The following SLC2A12 variants were observed in gnomAD, a reference collection of about 807,000 sequenced individuals.
SLC2A12 encodes the protein solute carrier family 2 member 12.
A neutral mutation model predicts 41.8 loss-of-function variants in SLC2A12; 23 were observed. That is an observed-to-expected ratio of 0.55 (90% confidence interval 0.40 to 0.78). SLC2A12 has a LOEUF of 0.78. SLC2A12 is among the 30% of genes least tolerant of loss of function. The pLI, the probability that SLC2A12 is intolerant of heterozygous loss-of-function variation, is 0.00. For missense variants in SLC2A12, 654 were observed against 745.6 expected, an observed-to-expected ratio of 0.88 and a Z score of 1.43; for synonymous variants, 295 against 285.9, an observed-to-expected ratio of 1.03 and a Z score of -0.32.
At chr6:134,011,724 C>G (rs1269579816) in intron 2 of SLC2A12, among the ~76,000 whole-genome samples, 12 of 151,240 alleles carry the variant, frequency 7.9e-5, no homozygotes, top group Admixed American at 7.9e-4. Context: ...AGAGTGAGAC[C>G]CTGTCTCAAA....
intron 2 of SLC2A12, among the ~76,000 whole-genome samples, chr6:134,014,141 G>T (rs1452280951): frequency 6.6e-6 from 1 of 152,204 alleles, no homozygotes; most frequent in Non-Finnish European, 1.5e-5. Flanking sequence ...GGGGCAGGAG[G>T]TATGGTTTCG....
At chr6:134,043,916 A>C (rs1267984606) in intron 1 of SLC2A12, among the ~76,000 whole-genome samples, 2 of 152,096 alleles carry the variant, frequency 1.3e-5, no homozygotes, top group Non-Finnish European at 2.9e-5. Context: ...TTTGTAAGCT[A>C]AGGAAGCTGT....
Position 133,991,262 on chromosome 6 carries a change from C to A in SLC2A12, c.1747G>T (p.Glu583Ter), listed in dbSNP as rs1193285618. 3 of 1,613,928 alleles carry A rather than the reference C, an allele frequency of 1.9e-6. No homozygotes were observed. The highest frequency in any genetic ancestry group is 1.1e-5 in the South Asian group (1 of 91,060). The change falls in exon 5 of 5, where the codon GAA (glutamate) becomes TAA (stop). Residue 583 changes from glutamate to a stop codon, truncating the protein, a stop_gained. Coordinates refer to ENST00000275230, the MANE Select transcript of SLC2A12 (RefSeq NM_145176.3). LOFTEE classifies it high-confidence loss of function. Reference sequence around the variant, plus strand: ...TTTTGAGGCTGTTTTGGCACTAATTCTTCTTGGTGATGACTCATAAAACAA... The same window carrying A: ...TTTTGAGGCTGTTTTGGCACTAATTATTCTTGGTGATGACTCATAAAACAA... ...NICFMSHHQE[E>*]LVPKQPQKRK...
Position 133,989,650 on chromosome 6 carries a change from A to T in SLC2A12, c.*1505T>A, listed in dbSNP as rs934568592. 3.9e-5 allele frequency: 6 copies of T among 152,182 alleles called. No individual in the cohort carries two copies. The highest frequency in any genetic ancestry group is 1.4e-4 in the African/African-American group (6 of 41,458). The allele number at this position is 152,182 out of a possible 1,614,324, so 9.4% of individuals were successfully genotyped here. A position where few individuals can be genotyped will look rare whatever the true frequency, so the allele number is the denominator to read the frequency against. On this transcript the variant is annotated 3_prime_UTR_variant, in exon 5 of 5. Transcript: ENST00000275230. ...TCCCCCTGCCAATTTTTATACAGAT[A>T]ATACACTGCAGATCCAGGCCTTTTA...
At chr6:134,043,805 A>G (rs1021647299) in intron 1 of SLC2A12, among the ~76,000 whole-genome samples, 6 of 151,908 alleles carry the variant, frequency 3.9e-5, no homozygotes, top group South Asian at 2.1e-4. Context: ...AAAAAAAAAA[A>G]AAAGAAAAGA....
chr6:134,029,994 C>G (rs1777179767), intron 1 of SLC2A12, among the ~76,000 whole-genome samples: 1 of 152,024 alleles, frequency 6.6e-6, no homozygotes, highest in Non-Finnish European at 1.5e-5. Context: ...TTAGATCAGA[C>G]AGTGATGTTG....
At position 134,030,935 on chromosome 6, in the gene SLC2A12, A is replaced by C. The variant is rs183589692; in HGVS notation, c.104-1214T>G. Among the ~76,000 whole-genome samples the C allele has an allele frequency of 1.1e-4, 17 of 152,328 alleles. No individual in the cohort carries two copies. In the East Asian group the frequency reaches 3.3e-3, roughly 29 times the overall value. On this transcript the variant is annotated intron_variant, in intron 1 of 4. Transcript: ENST00000275230. ...ATAAAGTCCACCTTCACTGCTATGT[A>C]GAGATTAGTTCTTCAAAATGCAAGA...
At chr6:134,027,412 C>T (rs1295585077) in intron 2 of SLC2A12, among the ~76,000 whole-genome samples, 1 of 152,094 alleles carries the variant, frequency 6.6e-6, no homozygotes, top group East Asian at 1.9e-4. Context: ...AATTTGTTTG[C>T]CTCCTTGATC....
At chr6:134,038,163 C>A (rs529709565) in intron 1 of SLC2A12, among the ~76,000 whole-genome samples, 1 of 151,988 alleles carries the variant, frequency 6.6e-6, no homozygotes, top group Admixed American at 6.6e-5. Context: ...TTTCCAACCC[C>A]GGGTTTGATT....
rs759703461 is a variant in SLC2A12 at position 134,029,333 on chromosome 6, T to C, written c.492A>G (p.Arg164=). 1 of 1,614,196 alleles carries C rather than the reference T, an allele frequency of 6.2e-7. No individual in the cohort carries two copies. Among genetic ancestry groups the C allele is most frequent in the South Asian group, 1.1e-5 (1 of 91,086 alleles). ...GCTCATTCAGTGACACAAGAAGGCC[T>C]CTTCTGTGTTGAGGAGCAATCTCTG... ...YIAEIAPQHR[R]GLLVSLNELM... The change falls in exon 2 of 5, where the codon AGA becomes AGG. Residue 164 remains arginine (R), a synonymous_variant. Coordinates refer to ENST00000275230, the MANE Select transcript of SLC2A12 (RefSeq NM_145176.3).
At chr6:133,992,715 C>T (rs532835825) in intron 4 of SLC2A12, among the ~76,000 whole-genome samples, 13 of 152,108 alleles carry the variant, frequency 8.5e-5, no homozygotes, top group African/African-American at 1.9e-4. Flanking sequence ...AAGTAGGAAG[C>T]AGGGTAAGGA....
In SLC2A12 at chr6:133,991,156, T is replaced by G; in HGVS notation, c.1853A>C (p.Ter618SerextTer43). 2 of 1,612,210 alleles carry G rather than the reference T, an allele frequency of 1.2e-6. No individual in the cohort carries two copies. The highest frequency in any genetic ancestry group is 1.7e-6 in the Non-Finnish European group (2 of 1,179,522). ...CACGTTCAGAAGGTGTTGAGGCCATTAGGTCTCTGGAGAAAGCTGCCTGGA... is the reference window on the plus strand; with the variant it reads ...CACGTTCAGAAGGTGTTGAGGCCATGAGGTCTCTGGAGAAAGCTGCCTGGA... ...GQSRQLSPET[*>S] Residue 618 changes from the stop codon to serine (S), a stop_lost, in exon 5 of 5, where the codon TAA (stop) becomes TCA (serine). Coordinates refer to ENST00000275230, the MANE Select transcript of SLC2A12 (RefSeq NM_145176.3).
chr6:134,010,334 T>C (rs760883418), intron 2 of SLC2A12, among the ~76,000 whole-genome samples: 1 of 152,132 alleles, frequency 6.6e-6, no homozygotes, highest in Non-Finnish European at 1.5e-5. Context: ...TCTTCTTTAT[T>C]CCCTACCCCG....
chr6:134,048,226 G>A (rs1773603930), intron 1 of SLC2A12, among the ~76,000 whole-genome samples: 1 of 152,144 alleles, frequency 6.6e-6, no homozygotes, highest in Non-Finnish European at 1.5e-5. Flanking sequence ...TGAAAGGGGA[G>A]ATATTTATGT....
rs977472924 is a variant in SLC2A12 at position 133,988,824 on chromosome 6, A to C, written c.*2331T>G. The C allele has an allele frequency of 2.0e-5, 3 of 152,144 alleles. No individual in the cohort carries two copies. The highest frequency in any genetic ancestry group is 2.9e-5 in the Non-Finnish European group (2 of 68,028). 9.4% of individuals were successfully genotyped at this position (152,144 alleles called of 1,614,324 possible). On this transcript the variant is annotated 3_prime_UTR_variant, in exon 5 of 5. Coordinates refer to ENST00000275230, the MANE Select transcript of SLC2A12 (RefSeq NM_145176.3). The stretch of plus-strand genomic sequence containing the variant: ...AATTACATGAAAGAGTTACAAGCTC[A>C]CTGTTTTAAAGACTTGACATTTTTC...
Position 134,010,467 on chromosome 6 carries a change from G to A in SLC2A12, c.1445-3533C>T, listed in dbSNP as rs541578265. Among the ~76,000 whole-genome samples, 41 of 152,238 alleles carry A rather than the reference G, an allele frequency of 2.7e-4. No homozygotes were observed. In the South Asian group the frequency reaches 4.4e-3, roughly 16 times the overall value. On this transcript the variant is annotated intron_variant, in intron 2 of 4. Coordinates refer to ENST00000275230, the MANE Select transcript of SLC2A12 (RefSeq NM_145176.3). ...GCAGCCACTGGAGTTCAGCAGGCAC[G>A]AAAATTATTCTCCTTGACTCCTATT...
chr6:134,033,388 A>T (rs1777249420), intron 1 of SLC2A12, among the ~76,000 whole-genome samples: 1 of 152,136 alleles, frequency 6.6e-6, no homozygotes, highest in Admixed American at 6.6e-5. Flanking sequence ...ATCCTCAACA[A>T]TGAATTCCTC....
At chr6:133,993,725 A>G (rs1776651235) in intron 4 of SLC2A12, among the ~76,000 whole-genome samples, 1 of 152,192 alleles carries the variant, frequency 6.6e-6, no homozygotes. Flanking sequence ...AGGGACAGGA[A>G]AAGTCTGTTG....
At chr6:134,006,956 G>A (rs1776823641) in intron 2 of SLC2A12, 22 bp from the exon 3 acceptor site, 1 of 1,613,646 alleles carries the variant, frequency 6.2e-7, no homozygotes. Context: ...GCAAGAGTGG[G>A]TGGCGGACAG....
Sources: allele counts gnomAD v4.1 joint callset (sites outside exome capture counted in the v4.1 genomes callset), GRCh38; gene constraint gnomAD v4.1.1; transcripts MANE v1.5; gene names NCBI Gene and HGNC (gene_info 2026-07-23, HGNC 2026-07-21).